Variants in AHCYL2 observed in about 807,000 individuals in gnomAD.
The protein encoded by AHCYL2 is adenosylhomocysteinase like 2, also known as S-adenosylhomocysteine hydrolase-like protein 2.
Under a neutral mutation model 81.4 loss-of-function variants are expected in AHCYL2, and 28 were observed. That is an observed-to-expected ratio of 0.34 (90% CI 0.25 to 0.47). The LOEUF (loss-of-function observed/expected upper bound fraction) is 0.47, where lower values mean the gene tolerates loss of function less well. Ranked by LOEUF, AHCYL2 falls within the 20% of genes least tolerant of loss-of-function variation. The pLI, the probability that AHCYL2 is intolerant of heterozygous loss-of-function variation, is 1.00. For synonymous variants in AHCYL2, 272 were observed against 290.2 expected, an observed-to-expected ratio of 0.94 and a Z score of 0.64; for missense variants, 551 against 785.1, an observed-to-expected ratio of 0.70 and a Z score of 3.56.
At chr7:129,244,362 A>G (rs775380978) in intron 1 of AHCYL2, among the ~76,000 whole-genome samples, 4 of 152,062 alleles carry the variant, frequency 2.6e-5, no homozygotes, top group Non-Finnish European at 4.4e-5. Flanking sequence ...TGGACAACCA[A>G]TTGTTGACTG....
intron 1 of AHCYL2, among the ~76,000 whole-genome samples, chr7:129,303,074 C>T (rs1280515551): frequency 6.6e-6 from 1 of 152,160 alleles, no homozygotes; most frequent in Non-Finnish European, 1.5e-5. Context: ...GATCTTGGCT[C>T]ACCGCAACCT....
At chr7:129,241,516 G>A (rs924769112) in intron 1 of AHCYL2, among the ~76,000 whole-genome samples, 1 of 152,072 alleles carries the variant, frequency 6.6e-6, no homozygotes, top group Non-Finnish European at 1.5e-5. Flanking sequence ...ACTTTAACTC[G>A]GGAGGCAGAG....
At chr7:129,279,146 G>A (rs753503659) in intron 1 of AHCYL2, among the ~76,000 whole-genome samples, 5 of 152,108 alleles carry the variant, frequency 3.3e-5, no homozygotes, top group Non-Finnish European at 2.9e-5. Context: ...TGCATTTGGA[G>A]AGAATTGATA....
intron 1 of AHCYL2, among the ~76,000 whole-genome samples, chr7:129,328,925 A>G (rs976984240): frequency 1.3e-5 from 2 of 152,176 alleles, no homozygotes; most frequent in Non-Finnish European, 2.9e-5. Flanking sequence ...ATTTTCTTAA[A>G]TACATGGAAT....
chr7:129,266,774 A>G (rs1795824931), intron 1 of AHCYL2, among the ~76,000 whole-genome samples: 1 of 152,204 alleles, frequency 6.6e-6, no homozygotes, highest in Non-Finnish European at 1.5e-5. Context: ...ATAGAGTAGA[A>G]TTAATGAATC....
intron 1 of AHCYL2, among the ~76,000 whole-genome samples, chr7:129,296,871 A>T (rs563416742): frequency 1.6e-4 from 24 of 152,354 alleles, no homozygotes; most frequent in African/African-American, 5.5e-4. Context: ...GGACATTCTG[A>T]TACTAGGTAG....
At chr7:129,357,128 A>C (rs1584818430) in intron 1 of AHCYL2, among the ~76,000 whole-genome samples, 1 of 152,350 alleles carries the variant, frequency 6.6e-6, no homozygotes, top group East Asian at 1.9e-4. Flanking sequence ...AAAGACTGAG[A>C]AGCTATCACG....
At chr7:129,365,450 C>T (rs1794072675) in intron 1 of AHCYL2, among the ~76,000 whole-genome samples, 1 of 151,900 alleles carries the variant, frequency 6.6e-6, no homozygotes, top group Non-Finnish European at 1.5e-5. Flanking sequence ...GTAGGTAGCT[C>T]TTATTATTTC....
At chr7:129,386,995 T>G (rs1258480163) in intron 2 of AHCYL2, among the ~76,000 whole-genome samples, 1 of 152,344 alleles carries the variant, frequency 6.6e-6, no homozygotes, top group Middle Eastern at 3.4e-3. Flanking sequence ...CAGGTATCAT[T>G]TATTGAGTGC....
chr7:129,353,878 AGATATTT>A (rs1793651106), intron 1 of AHCYL2, among the ~76,000 whole-genome samples: 1 of 151,922 alleles, frequency 6.6e-6, no homozygotes. Context: ...CTGAGAATGA[AGATATTT>A]TGGAGATCAA....
intron 1 of AHCYL2, among the ~76,000 whole-genome samples, chr7:129,371,439 A>G (rs1191987196): frequency 1.3e-5 from 2 of 152,062 alleles, no homozygotes; most frequent in Non-Finnish European, 2.9e-5. Flanking sequence ...AGCCTGAAGA[A>G]CCCCAATCTC....
rs534089670 is a variant in AHCYL2, at chr7:129,234,287, C to T, written c.363+8848C>T. 3.0e-4 allele frequency among the ~76,000 whole-genome samples: 46 copies of T among 152,206 alleles called. No homozygotes were observed. In the South Asian group the frequency reaches 9.3e-3, roughly 31 times the overall value. On this transcript the variant is annotated intron_variant, in intron 1 of 16. Coordinates refer to ENST00000325006, the MANE Select transcript of AHCYL2 (RefSeq NM_015328.4). Reference sequence around the variant, plus strand: ...CTAGATGGAGCCTTACTCTGTCACCCAGGCTGGACTGCAGTGGCACTATCT... The same window carrying T: ...CTAGATGGAGCCTTACTCTGTCACCTAGGCTGGACTGCAGTGGCACTATCT...
chr7:129,250,713 T>A (rs1795219382), intron 1 of AHCYL2, among the ~76,000 whole-genome samples: 1 of 152,164 alleles, frequency 6.6e-6, no homozygotes, highest in South Asian at 2.1e-4. Context: ...ATGTCTTAGT[T>A]TTGGCTGACT....
At chr7:129,304,622 C>T (rs1176193083) in intron 1 of AHCYL2, among the ~76,000 whole-genome samples, 2 of 152,160 alleles carry the variant, frequency 1.3e-5, no homozygotes, top group African/African-American at 4.8e-5. Flanking sequence ...ACCCCTTTAT[C>T]ATTATATAAT....
At chr7:129,290,703 G>T (rs2150750420) in intron 1 of AHCYL2, among the ~76,000 whole-genome samples, 1 of 152,204 alleles carries the variant, frequency 6.6e-6, no homozygotes, top group East Asian at 1.9e-4. Flanking sequence ...GGCTGAGGCA[G>T]GTGGATCATG....
chr7:129,372,951 C>T (rs1277458107), intron 1 of AHCYL2, among the ~76,000 whole-genome samples: 1 of 152,164 alleles, frequency 6.6e-6, no homozygotes, highest in African/African-American at 2.4e-5. Context: ...TAAGTAGAGT[C>T]AAGAGAATCA....
chr7:129,402,184 G>A (rs73721731), intron 6 of AHCYL2, among the ~76,000 whole-genome samples: 1,833 of 152,290 alleles, frequency 0.012, 37 homozygotes, highest in African/African-American at 0.042. Context: ...GAGAAACTCA[G>A]AAGAGCTTTT....
chr7:129,386,778 T>A (rs1795224467), intron 2 of AHCYL2, among the ~76,000 whole-genome samples: 1 of 152,186 alleles, frequency 6.6e-6, no homozygotes, highest in African/African-American at 2.4e-5. Flanking sequence ...AGGACTCCAG[T>A]CTCAACCTCT....
chr7:129,255,599 C>T (rs761326318), intron 1 of AHCYL2, among the ~76,000 whole-genome samples: 1 of 152,174 alleles, frequency 6.6e-6, no homozygotes, highest in Non-Finnish European at 1.5e-5. Flanking sequence ...TGTGTGCGTG[C>T]GCACGCGCAT....
Sources: gnomAD v4.1 joint callset for allele counts (sites outside exome capture counted in the v4.1 genomes callset) on GRCh38, gnomAD v4.1.1 for gene constraint, MANE v1.5 for transcripts, NCBI Gene and HGNC (gene_info 2026-07-23, HGNC 2026-07-21) for gene names.